Variants in AVEN observed in about 807,000 individuals in gnomAD.
AVEN encodes the protein cell death regulator Aven.
A neutral mutation model predicts 38.1 loss-of-function variants in AVEN; 41 were observed. That is an observed-to-expected ratio of 1.08 (90% CI 0.84 to 1.40). AVEN has a LOEUF of 1.40. Ranked by LOEUF, AVEN falls within the 40% of genes most tolerant of loss-of-function variation. The pLI is 0.00. For missense variants in AVEN, 605 were observed against 438.8 expected, an observed-to-expected ratio of 1.38 and a Z score of -3.38; for synonymous variants, 206 against 171.8, an observed-to-expected ratio of 1.20 and a Z score of -1.56.
downstream of AVEN, among the ~76,000 whole-genome samples, chr15:33,863,936 C>T (rs1176144630): frequency 6.6e-6 from 1 of 152,186 alleles, no homozygotes; most frequent in Non-Finnish European, 1.5e-5. Flanking sequence ...TCTCTCCTCA[C>T]AAAGTGGCTA....
intron 11 of AVEN, among the ~76,000 whole-genome samples, chr15:33,859,299 T>C (rs2080080960): frequency 6.6e-6 from 1 of 152,254 alleles, no homozygotes. Flanking sequence ...TCATCAAGGC[T>C]TAAAGATCTT....
At chr15:33,976,471 A>AACAG (rs1555512143) in intron 2 of AVEN, among the ~76,000 whole-genome samples, 1 of 9,096 alleles carries the variant, frequency 1.1e-4, no homozygotes, top group Non-Finnish European at 6.8e-3. Context: ...ACACAGCTTT[A>AACAG]ATATAAATTT....
chr15:34,024,815 C>T (rs1285966803), intron 1 of AVEN, among the ~76,000 whole-genome samples: 6 of 149,538 alleles, frequency 4.0e-5, no homozygotes, highest in African/African-American at 9.8e-5. Context: ...GAGCCGAGAT[C>T]GTGCCATTGC....
At chr15:33,910,875 T>C (rs1342971445) in intron 2 of AVEN, among the ~76,000 whole-genome samples, 1 of 152,192 alleles carries the variant, frequency 6.6e-6, no homozygotes, top group Non-Finnish European at 1.5e-5. Flanking sequence ...CACTCAACTC[T>C]CCATTCATCC....
intron 5 of AVEN, among the ~76,000 whole-genome samples, chr15:34,054,692 G>A (rs1376316067): frequency 1.3e-5 from 2 of 152,128 alleles, no homozygotes; most frequent in Non-Finnish European, 2.9e-5. Context: ...GGGGGTGAGG[G>A]TAGGAGGAGG....
At chr15:33,917,374 G>GTGTGTA (rs1291601986) in intron 2 of AVEN, among the ~76,000 whole-genome samples, 1 of 33,232 alleles carries the variant, frequency 3.0e-5, no homozygotes, top group South Asian at 1.9e-3. Context: ...GTGTGTGTGT[G>GTGTGTA]TATACACACA....
chr15:33,914,628 C>T (rs1260755516), intron 2 of AVEN, among the ~76,000 whole-genome samples: 1 of 149,758 alleles, frequency 6.7e-6, no homozygotes, highest in Non-Finnish European at 1.5e-5. Context: ...ATTGAACACA[C>T]ACTTGAATGC....
At chr15:33,999,838 T>A (rs1253266426) in intron 2 of AVEN, among the ~76,000 whole-genome samples, 1 of 152,216 alleles carries the variant, frequency 6.6e-6, no homozygotes, top group Non-Finnish European at 1.5e-5. Context: ...AGCAGAGTGA[T>A]CCTGTTAACA....
downstream of AVEN, among the ~76,000 whole-genome samples, chr15:33,862,298 C>T (rs1407647856): frequency 1.3e-5 from 2 of 152,166 alleles, no homozygotes; most frequent in East Asian, 1.9e-4. Context: ...CTGCAACCTC[C>T]ACCTCCCAGG....
At chr15:33,864,328 T>TGG (rs1452056803), downstream of AVEN, 2 of 663,838 alleles carry the variant, frequency 3.0e-6, no homozygotes, top group Admixed American at 2.8e-5. Flanking sequence ...TTTTTGTGAC[T>TGG]CAATAAGAAG....
chr15:33,892,422 T>A lies in AVEN; in HGVS notation c.446-16427A>T, dbSNP rs373928261. Among the ~76,000 whole-genome samples, 58 of 152,232 alleles carry A rather than the reference T, an allele frequency of 3.8e-4. No individual in the cohort carries two copies. In the East Asian group the frequency reaches 9.3e-3, roughly 24 times the overall value. On this transcript the variant is annotated intron_variant, in intron 2 of 5. Transcript: ENST00000306730. ...TTCTGTATAAAGTGTAAGGAAGGGA[T>A]CCAGTTTCAGCTTTCTACATATGGC...
At chr15:33,989,446 A>C (rs374362523) in intron 2 of AVEN, among the ~76,000 whole-genome samples, 1 of 140,434 alleles carries the variant, frequency 7.1e-6, no homozygotes, top group East Asian at 2.1e-4. Context: ...TTTTGTTTGG[A>C]GTTTAAAAAA....
At chr15:33,891,400 G>A (rs1341244314) in intron 2 of AVEN, among the ~76,000 whole-genome samples, 1 of 151,918 alleles carries the variant, frequency 6.6e-6, no homozygotes, top group African/African-American at 2.4e-5. Flanking sequence ...ACCCCCTGAC[G>A]GGCCCTGGTG....
At chr15:33,964,326 A>C (rs1347477869) in intron 2 of AVEN, among the ~76,000 whole-genome samples, 2 of 152,190 alleles carry the variant, frequency 1.3e-5, no homozygotes, top group African/African-American at 4.8e-5. Flanking sequence ...CAAAATATTA[A>C]GGATGACAAA....
At chr15:33,896,558 G>GT (rs1478999130) in intron 2 of AVEN, among the ~76,000 whole-genome samples, 1 of 152,140 alleles carries the variant, frequency 6.6e-6, no homozygotes, top group African/African-American at 2.4e-5. Flanking sequence ...CATTTGATGT[G>GT]TTTAACAATA....
Position 33,955,111 on chromosome 15 carries a change from T to A in AVEN, c.445+47921A>T, listed in dbSNP as rs61566536. Among the ~76,000 whole-genome samples the A allele has an allele frequency of 9.1e-3, 1,385 of 152,320 alleles. 19 individuals carry two copies. The highest frequency in any genetic ancestry group is 0.031 in the African/African-American group (1,292 of 41,558). On this transcript the variant is annotated intron_variant, in intron 2 of 5. Coordinates refer to ENST00000306730, the MANE Select transcript of AVEN (RefSeq NM_020371.3). ...ATTGTCTTTTTTGTTTTAATTTTTTTAAAATGTAATCTATAACCTTAAGTG... is the reference window on the plus strand; with the variant it reads ...ATTGTCTTTTTTGTTTTAATTTTTTAAAAATGTAATCTATAACCTTAAGTG...
At chr15:33,944,276 A>C (rs1185191583) in intron 2 of AVEN, among the ~76,000 whole-genome samples, 2 of 152,202 alleles carry the variant, frequency 1.3e-5, no homozygotes, top group East Asian at 3.8e-4. Context: ...AAGAATATAG[A>C]AATTAATTAG....
chr15:33,857,273 G>A (rs1345287472), downstream of AVEN, among the ~76,000 whole-genome samples: 1 of 151,080 alleles, frequency 6.6e-6, no homozygotes, highest in Non-Finnish European at 1.5e-5. Context: ...GTCTCCTCAG[G>A]GGCCTCTCTG....
intron 2 of AVEN, among the ~76,000 whole-genome samples, chr15:33,984,019 G>T (rs1896311111): frequency 6.6e-6 from 1 of 151,724 alleles, no homozygotes; most frequent in South Asian, 2.1e-4. Flanking sequence ...AAAAGACTGA[G>T]AAACTGTCAC....
Sources: gnomAD v4.1 joint callset for allele counts (sites outside exome capture counted in the v4.1 genomes callset) on GRCh38, gnomAD v4.1.1 for gene constraint, MANE v1.5 for transcripts, NCBI Gene and HGNC (gene_info 2026-07-23, HGNC 2026-07-21) for gene names.